Variants in CFAP46 observed in about 807,000 individuals in gnomAD.
CFAP46 encodes the protein cilia and flagella associated protein 46.
Under a neutral mutation model 325.7 loss-of-function variants are expected in CFAP46, and 245 were observed. That is an observed-to-expected ratio of 0.75 (90% CI 0.68 to 0.84). The LOEUF is 0.84. CFAP46 is among the 40% of genes least tolerant of loss of function. CFAP46 has a pLI of 0.00. For synonymous variants in CFAP46, 1,523 were observed against 1,495.9 expected, an observed-to-expected ratio of 1.02 and a Z score of -0.42; for missense variants, 3,346 against 3,543.0, an observed-to-expected ratio of 0.94 and a Z score of 1.41.
Position 132,924,237 on chromosome 10 carries a change from C to CACCT in CFAP46, c.1256+458_1256+459insAGGT, listed in dbSNP as rs1288874489. On this transcript the variant is annotated intron_variant, in intron 11 of 57. Coordinates refer to ENST00000368586, the MANE Select transcript of CFAP46 (RefSeq NM_001200049.3). ...TGCCATGGTCCACCCTGATGCCTGC[C>CACCT]GCCTGCCTGCCATGGTCCACCGTGA... is the stretch of plus-strand genomic sequence containing the variant. 3.3e-4 allele frequency among the ~76,000 whole-genome samples: 49 copies of CACCT among 150,764 alleles called. No homozygotes were observed. The East Asian group carries it at 8.7e-3, about 27-fold the overall frequency.
chr10:132,843,608 T>C (rs1437458322), intron 44 of CFAP46, among the ~76,000 whole-genome samples: 2 of 86,744 alleles, frequency 2.3e-5, no homozygotes, highest in African/African-American at 6.7e-5. Flanking sequence ...CAGGGTGCCA[T>C]GGGGCTCTGG....
intron 25 of CFAP46, among the ~76,000 whole-genome samples, chr10:132,887,519 CCTCTCCT>C (rs1326514223): frequency 1.8e-5 from 2 of 111,738 alleles, no homozygotes; most frequent in Non-Finnish European, 3.9e-5. Context: ...CTCTCTCTCT[CCTCTCCT>C]CTCTCCTCTC....
Position 132,926,599 on chromosome 10 carries a change from T to C in CFAP46, c.1034A>G (p.Lys345Arg), listed in dbSNP as rs904083678. The C allele has an allele frequency of 2.3e-5, 35 of 1,536,276 alleles. No individual in the cohort carries two copies. Among genetic ancestry groups the C allele is most frequent in the African/African-American group, 6.8e-5 (5 of 73,188 alleles). ...CESEALRLES[K>R]MKVYNRAAVE... ...AGCCGCTCGGTTGTACACTTTCATC[T>C]TACTTTCAAGTCTTAAAGCTTCCGA... Residue 345 changes from lysine to arginine, a missense_variant, in exon 10 of 58, where the codon AAG becomes AGG. Lys to Arg is a conservative substitution (Grantham distance 26). Coordinates refer to ENST00000368586, the MANE Select transcript of CFAP46 (RefSeq NM_001200049.3).
At chr10:132,891,846 C>T (rs1184938034) in intron 25 of CFAP46, among the ~76,000 whole-genome samples, 2 of 152,166 alleles carry the variant, frequency 1.3e-5, no homozygotes, top group African/African-American at 2.4e-5. Flanking sequence ...TTGAATCTAC[C>T]AGTGACCTGG....
intron 39 of CFAP46, 62 bp downstream of exon 39, chr10:132,857,528 A>G: frequency 2.6e-6 from 4 of 1,527,902 alleles, no homozygotes; most frequent in Non-Finnish European, 3.6e-6. Context: ...GGTAAGTTAC[A>G]GTGGGGTTTA....
intron 21 of CFAP46, 71 bp downstream of exon 21, chr10:132,909,066 C>T: frequency 8.8e-7 from 1 of 1,140,160 alleles, no homozygotes; most frequent in South Asian, 1.3e-5. Flanking sequence ...GAGTTCCAGC[C>T]ACCTAGGGCA....
intron 57 of CFAP46, among the ~76,000 whole-genome samples, chr10:132,809,876 G>A (rs1847542853): frequency 6.6e-6 from 1 of 152,228 alleles, no homozygotes; most frequent in African/African-American, 2.4e-5. Context: ...GTGACAGGCA[G>A]GCTGCTCTCC....
At position 132,808,998 on chromosome 10, in the gene CFAP46, G is replaced by C; in HGVS notation, c.7665-94C>G. On this transcript the variant is annotated intron_variant, in intron 57 of 57. Coordinates refer to ENST00000368586, the MANE Select transcript of CFAP46 (RefSeq NM_001200049.3). This position sits in a 1 kb window ranked among gnomAD's most constrained non-coding sequence, Gnocchi z 6.8. Reference sequence around the variant, plus strand: ...GGCACAGGGGCGGGAAGTGGCAGCTGCTCCAACTGAGGGCGCTCTGGGGAA... The same window carrying C: ...GGCACAGGGGCGGGAAGTGGCAGCTCCTCCAACTGAGGGCGCTCTGGGGAA... The C allele has an allele frequency of 7.6e-7, 1 of 1,309,346 alleles. No individual in the cohort carries two copies. The highest frequency in any genetic ancestry group is 1.0e-6 in the Non-Finnish European group (1 of 969,892). 81.1% of individuals were successfully genotyped at this position (1,309,346 alleles called of 1,614,324 possible).
chr10:132,821,742 C>A (rs1261852013), intron 50 of CFAP46, among the ~76,000 whole-genome samples: 1 of 90,572 alleles, frequency 1.1e-5, no homozygotes, highest in South Asian at 3.8e-4. Flanking sequence ...GCTGTGTGTG[C>A]GCTGATGTGT....
chr10:132,858,714 G>A (rs1010550561), intron 38 of CFAP46, among the ~76,000 whole-genome samples: 1 of 152,148 alleles, frequency 6.6e-6, no homozygotes, highest in African/African-American at 2.4e-5. Flanking sequence ...TGTGTGCAAT[G>A]CGCGTGTGCC....
intron 24 of CFAP46, among the ~76,000 whole-genome samples, chr10:132,895,228 T>C (rs1849303443): frequency 1.3e-5 from 2 of 152,116 alleles, no homozygotes; most frequent in African/African-American, 2.4e-5. Context: ...ACCGGCTCAA[T>C]TGACAGAGAA....
chr10:132,893,608 G>A (rs938201281), intron 24 of CFAP46, among the ~76,000 whole-genome samples: 3 of 152,194 alleles, frequency 2.0e-5, no homozygotes, highest in Admixed American at 2.0e-4. Flanking sequence ...CATCTTTTGT[G>A]GCAATGTGAC....
At position 132,876,237 on chromosome 10, in the gene CFAP46, C is replaced by T. The variant is rs190245813; in HGVS notation, c.4362+575G>A. On this transcript the variant is annotated intron_variant, in intron 31 of 57. Coordinates refer to ENST00000368586, the MANE Select transcript of CFAP46 (RefSeq NM_001200049.3). This position sits in a 1 kb window ranked among gnomAD's most constrained non-coding sequence, Gnocchi z 4.1. ...AGGGCCACTCTACCCACAGCGGGCACGGCAGTGAACTGAATGACCACTATG... is the reference window on the plus strand; with the variant it reads ...AGGGCCACTCTACCCACAGCGGGCATGGCAGTGAACTGAATGACCACTATG... Among the ~76,000 whole-genome samples, 87 of 152,340 alleles carry T rather than the reference C, an allele frequency of 5.7e-4. No individual in the cohort carries two copies. The highest frequency in any genetic ancestry group is 2.4e-3 in the Admixed American group (37 of 15,314).
chr10:132,834,845 C>A, intron 47 of CFAP46, 70 bp from the exon 48 acceptor site: 1 of 1,531,652 alleles, frequency 6.5e-7, no homozygotes, highest in Non-Finnish European at 8.8e-7. Context: ...GAGGGCCAGG[C>A]CCCTGCAGAA....
At position 132,938,666 on chromosome 10, in the gene CFAP46, G is replaced by A. The variant is rs760623787; in HGVS notation, c.459C>T (p.Ile153=). The A allele has an allele frequency of 2.5e-6, 4 of 1,613,624 alleles. No individual in the cohort carries two copies. Among genetic ancestry groups the A allele is most frequent in the Admixed American group, 3.3e-5 (2 of 60,008 alleles). Residue 153 remains isoleucine (I), a synonymous_variant, in exon 5 of 58, where the codon ATC becomes ATT. Coordinates refer to ENST00000368586, the MANE Select transcript of CFAP46 (RefSeq NM_001200049.3). ...CGTTTATGATTTGGGAAAGGCTGGG[G>A]ATCAGATGGTGACGATATCCAGGCT... The part of the protein sequence containing the change: ...FLKPGYRHHL[I]PSLSQIINVL...
At position 132,941,061 on chromosome 10, in the gene CFAP46, C is replaced by T. The variant is rs756792534; in HGVS notation, c.307-1G>A. On this transcript the variant is annotated splice_acceptor_variant, in intron 3 of 57. Transcript: ENST00000368586. LOFTEE classifies it high-confidence loss of function. ...CAGTCACGCAATTTTCAAATTCCTC[C>T]TAAGGCAACATAAAGAAGCACAATT... 5 of 1,614,108 alleles carry T rather than the reference C, an allele frequency of 3.1e-6. No individual in the cohort carries two copies. The highest frequency in any genetic ancestry group is 4.2e-6 in the Non-Finnish European group (5 of 1,180,018).
chr10:132,849,512 G>A (rs1848498972), intron 41 of CFAP46, among the ~76,000 whole-genome samples: 1 of 152,212 alleles, frequency 6.6e-6, no homozygotes, highest in East Asian at 1.9e-4. Flanking sequence ...TTCCGGGGGA[G>A]GAGCTGGCAT....
intron 57 of CFAP46, among the ~76,000 whole-genome samples, chr10:132,809,438 G>A (rs892543194): frequency 1.2e-4 from 19 of 152,226 alleles, no homozygotes; most frequent in Non-Finnish European, 2.8e-4. Context: ...GCATTTGCAG[G>A]GATGAGTGTG....
rs1179245730 is a variant in CFAP46 at position 132,867,462 on chromosome 10, A to G, written c.4656T>C (p.Pro1552=). ...GTGCTGGCAGGCTTTCTTCTAATAA[A>G]GGCTCCTTATTTTTCTCTTTTTTCA... ...IALKKEKNKE[P]LLEESLPALN... The change falls in exon 34 of 58, where the codon CCT becomes CCC. Residue 1552 remains proline, a synonymous_variant. Transcript: ENST00000368586. The G allele has an allele frequency of 5.2e-6, 8 of 1,550,476 alleles. No individual in the cohort carries two copies. The highest frequency in any genetic ancestry group is 7.0e-6 in the Non-Finnish European group (8 of 1,146,972).
Sources: allele counts gnomAD v4.1 joint callset (sites outside exome capture counted in the v4.1 genomes callset), GRCh38; gene constraint gnomAD v4.1.1; non-coding constraint Gnocchi (gnomAD v3.1); transcripts MANE v1.5; gene names NCBI Gene and HGNC (gene_info 2026-07-23, HGNC 2026-07-21).